SYT9: variants seen among roughly 807,000 people sequenced by gnomAD.
SYT9 encodes the protein synaptotagmin 9, also known as synaptotagmin-9.
Under a neutral mutation model 48.4 loss-of-function variants are expected in SYT9, and 22 were observed. That is an observed-to-expected ratio of 0.45 (90% CI 0.32 to 0.65). The LOEUF (loss-of-function observed/expected upper bound fraction) is 0.65, where lower values mean the gene tolerates loss of function less well. SYT9 is among the 30% of genes least tolerant of loss of function. The probability of loss-of-function intolerance (pLI) is 0.03; values close to 1 mark genes in which losing one functional copy is unlikely to be tolerated. For missense variants in SYT9, 577 were observed against 622.0 expected, an observed-to-expected ratio of 0.93 and a Z score of 0.77; for synonymous variants, 265 against 245.0, an observed-to-expected ratio of 1.08 and a Z score of -0.76.
At position 7,312,417 on chromosome 11, in the gene SYT9, G is replaced by A. The variant is rs557654409; in HGVS notation, c.498-978G>A. On this transcript the variant is annotated intron_variant, in intron 2 of 6. Transcript: ENST00000318881. The stretch of plus-strand genomic sequence containing the variant: ...AGGCTATTTTAATTAAGGTTGTTGA[G>A]CGAATGCATACAATACAATATAATG... Among the ~76,000 whole-genome samples, 5 of 152,228 alleles carry A rather than the reference G, an allele frequency of 3.3e-5. No individual in the cohort carries two copies. The East Asian group carries it at 9.7e-4, about 29-fold the overall frequency.
chr11:7,313,785 T>G lies in SYT9; in HGVS notation c.888T>G (p.Asn296Lys), dbSNP rs1428626618. Reference sequence around the variant, plus strand: ...TGTTTTTATTTCCGGTTCCCTACAATGACCTTGAAGCACGGAAGCTTCACT... The same window carrying G: ...TGTTTTTATTTCCGGTTCCCTACAAGGACCTTGAAGCACGGAAGCTTCACT... ...DEVFLFPVPYNDLEARKLHFS... is the reference protein window; with the variant it reads ...DEVFLFPVPYKDLEARKLHFS... The change falls in exon 3 of 7, where the codon AAT (asparagine) becomes AAG (lysine). Residue 296 changes from asparagine to lysine, a missense_variant. Coordinates refer to ENST00000318881, the MANE Select transcript of SYT9 (RefSeq NM_175733.4). 1 of 1,614,216 alleles carries G rather than the reference T, an allele frequency of 6.2e-7. No homozygotes were observed. The highest frequency in any genetic ancestry group is 8.5e-7 in the Non-Finnish European group (1 of 1,180,014).
chr11:7,420,376 GGAAAT>G, intron 5 of SYT9, 125 bp from the exon 6 acceptor site: 1 of 1,217,842 alleles, frequency 8.2e-7, no homozygotes, highest in Non-Finnish European at 1.1e-6. Flanking sequence ...TTTTAAGTGA[GGAAAT>G]GAAAAAACAA....
intron 3 of SYT9, among the ~76,000 whole-genome samples, chr11:7,392,477 C>T (rs1255011069): frequency 6.6e-6 from 1 of 152,078 alleles, no homozygotes; most frequent in East Asian, 1.9e-4. Context: ...TATTGTTCTA[C>T]CAGTACCATA....
chr11:7,353,894 CAT>C (rs1194502322), intron 3 of SYT9, among the ~76,000 whole-genome samples: 2 of 152,086 alleles, frequency 1.3e-5, no homozygotes, highest in African/African-American at 4.8e-5. Flanking sequence ...ACATTAAAAA[CAT>C]ACACAAAATT....
At chr11:7,250,893 A>G (rs150961402), upstream of SYT9, among the ~76,000 whole-genome samples, 1 of 152,184 alleles carries the variant, frequency 6.6e-6, no homozygotes, top group Non-Finnish European at 1.5e-5. Context: ...TACAAAAAAG[A>G]CAAAAGAAAA....
At chr11:7,413,866 A>G (rs1847188457) in intron 3 of SYT9, among the ~76,000 whole-genome samples, 1 of 151,696 alleles carries the variant, frequency 6.6e-6, no homozygotes. Flanking sequence ...CAGAGTAGCT[A>G]GGATTGTAGG....
At chr11:7,463,755 GA>G (rs1777586127) in intron 6 of SYT9, among the ~76,000 whole-genome samples, 1 of 152,142 alleles carries the variant, frequency 6.6e-6, no homozygotes, top group Admixed American at 6.5e-5. Flanking sequence ...TCAGAGCCCA[GA>G]AAACTCACCC....
At chr11:7,296,058 A>G (rs369452060) in intron 1 of SYT9, among the ~76,000 whole-genome samples, 2 of 152,196 alleles carry the variant, frequency 1.3e-5, no homozygotes, top group East Asian at 1.9e-4. Context: ...TTTATTTGCA[A>G]TAAGTCTGAT....
At chr11:7,392,157 G>T (rs1197507250) in intron 3 of SYT9, among the ~76,000 whole-genome samples, 2 of 151,908 alleles carry the variant, frequency 1.3e-5, no homozygotes, top group Non-Finnish European at 2.9e-5. Flanking sequence ...TTGCTTTTGA[G>T]GACTTAGTCA....
chr11:7,257,170 G>A (rs1487864), intron 1 of SYT9, among the ~76,000 whole-genome samples: 119,692 of 152,066 alleles, frequency 0.79, 47,169 homozygotes, highest in Middle Eastern at 0.83. Flanking sequence ...GAATGCATCC[G>A]CCTAACCCTT....
chr11:7,305,137 A>G (rs1849009164), intron 2 of SYT9, among the ~76,000 whole-genome samples: 1 of 152,230 alleles, frequency 6.6e-6, no homozygotes. Context: ...ACTGATTTGT[A>G]GAAATTGGGT....
chr11:7,405,005 T>G (rs1017830935), intron 3 of SYT9, among the ~76,000 whole-genome samples: 3 of 151,970 alleles, frequency 2.0e-5, no homozygotes, highest in African/African-American at 7.3e-5. Flanking sequence ...AATGAAGCTT[T>G]CTTTGTATGG....
chr11:7,274,815 A>G lies in SYT9; in HGVS notation c.145+22484A>G, dbSNP rs1848357518. On this transcript the variant is annotated intron_variant, in intron 1 of 6. Transcript: ENST00000318881. The stretch of plus-strand genomic sequence containing the variant: ...AGAATGAGGAGTTTTCCCTTACAGG[A>G]TGCAGCAGCCACACATAAGGCCATC... Among the ~76,000 whole-genome samples the G allele has an allele frequency of 3.9e-5, 6 of 152,262 alleles. No individual in the cohort carries two copies. The South Asian group carries it at 1.2e-3, about 32-fold the overall frequency.
At chr11:7,323,544 A>C (rs1849374917) in intron 3 of SYT9, among the ~76,000 whole-genome samples, 1 of 151,974 alleles carries the variant, frequency 6.6e-6, no homozygotes, top group Admixed American at 6.6e-5. Context: ...CTGTTCTTGA[A>C]AAAAATGCTT....
intron 3 of SYT9, among the ~76,000 whole-genome samples, chr11:7,376,922 C>T (rs913858357): frequency 6.6e-6 from 1 of 151,572 alleles, no homozygotes; most frequent in Non-Finnish European, 1.5e-5. Context: ...TGATCATTCC[C>T]TGCAGCCCAA....
chr11:7,246,424 G>A (rs1589883169), intron 1 of SYT9, among the ~76,000 whole-genome samples: 1 of 152,324 alleles, frequency 6.6e-6, no homozygotes, highest in African/African-American at 2.4e-5. Flanking sequence ...CTGAATCATA[G>A]AAGAATACAT....
chr11:7,255,600 T>C (rs563408245), intron 1 of SYT9, among the ~76,000 whole-genome samples: 1 of 152,216 alleles, frequency 6.6e-6, no homozygotes, highest in East Asian at 1.9e-4. Flanking sequence ...ATGAATGCAA[T>C]TTGCAGGTAC....
At chr11:7,430,754 T>C (rs1847554555) in intron 6 of SYT9, among the ~76,000 whole-genome samples, 1 of 152,164 alleles carries the variant, frequency 6.6e-6, no homozygotes, top group South Asian at 2.1e-4. Context: ...GCTTCTGCTC[T>C]GCCAAGTGAG....
At chr11:7,316,698 A>T (rs926683190) in intron 3 of SYT9, among the ~76,000 whole-genome samples, 1 of 152,200 alleles carries the variant, frequency 6.6e-6, no homozygotes, top group African/African-American at 2.4e-5. Context: ...TTTCTAGATA[A>T]TGACAGTCTT....
Sources: allele counts gnomAD v4.1 joint callset (sites outside exome capture counted in the v4.1 genomes callset), GRCh38; gene constraint gnomAD v4.1.1; transcripts MANE v1.5; gene names NCBI Gene and HGNC (gene_info 2026-07-23, HGNC 2026-07-21).